The following NBAS variants were observed in gnomAD, a reference collection of about 807,000 sequenced individuals.
The protein encoded by NBAS is NBAS subunit of NRZ tethering complex.
A neutral mutation model predicts 302.5 loss-of-function variants in NBAS; 219 were observed. The observed-to-expected ratio is 0.72, with a 90% CI of 0.65 to 0.81. The LOEUF (loss-of-function observed/expected upper bound fraction) is 0.81. Among genes scored for constraint, NBAS ranks in the 30% least tolerant of loss-of-function variants. The pLI, the probability that NBAS is intolerant of heterozygous loss-of-function variation, is 0.00. For missense variants in NBAS, 2,932 were observed against 2,841.6 expected (o/e 1.03, Z -0.72); for synonymous variants, 1,118 against 1,021.6 (o/e 1.09, Z -1.80).
intron 9 of NBAS, among the ~76,000 whole-genome samples, chr2:15,525,595 G>A (rs1015836): frequency 0.53 from 80,233 of 151,904 alleles, 23,848 homozygotes; most frequent in Non-Finnish European, 0.67. Flanking sequence ...CAGTGTCAAA[G>A]GGTCATCAAG....
chr2:15,372,464 T>C (rs1997307), intron 31 of NBAS, among the ~76,000 whole-genome samples: 85,402 of 151,982 alleles, frequency 0.56, 25,809 homozygotes, highest in Non-Finnish European at 0.68. Context: ...ATGAACTACG[T>C]ACACTGACTA....
the NBAS span, among the ~76,000 whole-genome samples, chr2:15,046,087 C>A: frequency 3.3e-5 from 5 of 152,186 alleles, no homozygotes; most frequent in African/African-American, 1.2e-4. Flanking sequence ...CACTGTCTCT[C>A]CTTAGACTCC....
chr2:14,960,912 T>C, the NBAS span, among the ~76,000 whole-genome samples: 1 of 152,010 alleles, frequency 6.6e-6, no homozygotes, highest in South Asian at 2.1e-4. Context: ...GTGTTTGAGG[T>C]AGAAGGAAGT....
intron 28 of NBAS, among the ~76,000 whole-genome samples, chr2:15,388,490 T>C (rs1675423723): frequency 6.6e-6 from 1 of 152,130 alleles, no homozygotes; most frequent in Non-Finnish European, 1.5e-5. Context: ...GTATCAGGTA[T>C]TTGTGACATA....
intron 35 of NBAS, among the ~76,000 whole-genome samples, chr2:15,337,173 A>AT (rs917122130): frequency 1.1e-4 from 17 of 151,800 alleles, no homozygotes; most frequent in Non-Finnish European, 1.8e-4. Context: ...AAATTAAGTA[A>AT]TTTTTTTTGT....
intron 39 of NBAS, among the ~76,000 whole-genome samples, chr2:15,308,828 C>T (rs990029098): frequency 8.5e-5 from 13 of 152,080 alleles, no homozygotes; most frequent in East Asian, 3.9e-4. Flanking sequence ...TTTTGAGATA[C>T]GTCTCATCAA....
the NBAS span, among the ~76,000 whole-genome samples, chr2:15,094,192 C>G: frequency 6.6e-6 from 1 of 152,310 alleles, no homozygotes; most frequent in Non-Finnish European, 1.5e-5. Context: ...ACCTCCCATT[C>G]CAGTCCAGTC....
chr2:15,251,531 G>A (rs1394686805), intron 44 of NBAS, among the ~76,000 whole-genome samples: 1 of 152,160 alleles, frequency 6.6e-6, no homozygotes, highest in African/African-American at 2.4e-5. Flanking sequence ...AATAAAGAAT[G>A]TCTACTCCAT....
At chr2:15,456,952 T>C (rs1204127423) in intron 21 of NBAS, among the ~76,000 whole-genome samples, 2 of 152,074 alleles carry the variant, frequency 1.3e-5, no homozygotes, top group African/African-American at 4.8e-5. Flanking sequence ...GAAGCTTATA[T>C]GAAAAATGTG....
the NBAS span, among the ~76,000 whole-genome samples, chr2:14,823,936 T>A: frequency 6.6e-6 from 1 of 152,128 alleles, no homozygotes; most frequent in Non-Finnish European, 1.5e-5. Context: ...ACCAAACCAC[T>A]CCGAGGCACT....
At chr2:15,226,371 T>C (rs1344681728) in intron 47 of NBAS, among the ~76,000 whole-genome samples, 1 of 152,238 alleles carries the variant, frequency 6.6e-6, no homozygotes, top group Non-Finnish European at 1.5e-5. Flanking sequence ...TTTTAGAACA[T>C]TCTTAGTGTT....
chr2:15,175,033 T>C (rs1288529100), intron 51 of NBAS, among the ~76,000 whole-genome samples: 3 of 152,110 alleles, frequency 2.0e-5, no homozygotes, highest in Admixed American at 2.0e-4. Context: ...AGTGGCGCGA[T>C]CTCAGCTCAC....
the NBAS span, among the ~76,000 whole-genome samples, chr2:14,805,542 A>G: frequency 6.6e-6 from 1 of 152,186 alleles, no homozygotes; most frequent in Non-Finnish European, 1.5e-5. Flanking sequence ...TATCCCAAGA[A>G]TGGATCTTTG....
chr2:15,231,800 A>G (rs1218562468), intron 47 of NBAS, among the ~76,000 whole-genome samples: 4 of 152,166 alleles, frequency 2.6e-5, no homozygotes, highest in African/African-American at 4.8e-5. Flanking sequence ...AAGAAAGAAA[A>G]TTGGGGAGAG....
the NBAS span, among the ~76,000 whole-genome samples, chr2:14,868,871 T>C: frequency 1.3e-5 from 2 of 152,328 alleles, no homozygotes; most frequent in East Asian, 3.9e-4. Flanking sequence ...GAAAGATGGC[T>C]GAGGGGTGGT....
chr2:15,478,139 TA>T lies in NBAS; in HGVS notation c.1147+86del, dbSNP rs200823852. The T allele has an allele frequency of 2.3e-3, 2,276 of 969,866 alleles. 30 individuals are homozygous for T. In the African/African-American group the frequency reaches 0.033, roughly 14 times the overall value. 60.1% of individuals were successfully genotyped at this position (969,866 alleles called of 1,614,324 possible). A position where few individuals can be genotyped will look rare whatever the true frequency, so the allele number is the denominator to read the frequency against. On this transcript the variant is annotated intron_variant, in intron 13 of 51. Transcript: ENST00000281513. ...TCTTCCAAAGTGCAGCAAAAGTATCTAGAGACTTTTTATATCATCCAAAGAG... is the reference window on the plus strand; with the variant it reads ...TCTTCCAAAGTGCAGCAAAAGTATCTGAGACTTTTTATATCATCCAAAGAG...
At position 15,379,582 on chromosome 2, in the gene NBAS, A is replaced by G. The variant is rs1674928381; in HGVS notation, c.3590+20T>C. On this transcript the variant is annotated intron_variant, in intron 30 of 51. Coordinates refer to ENST00000281513, the MANE Select transcript of NBAS (RefSeq NM_015909.4). Reference sequence around the variant, plus strand: ...TGACTTTCCCCCTCCATCTTAGGGAAGAATATAGAGTTATTCTACCTGGCT... The same window carrying G: ...TGACTTTCCCCCTCCATCTTAGGGAGGAATATAGAGTTATTCTACCTGGCT... 3 of 1,607,006 alleles carry G rather than the reference A, an allele frequency of 1.9e-6. No individual in the cohort carries two copies.
chr2:15,394,609 T>C (rs1045899157), intron 27 of NBAS, among the ~76,000 whole-genome samples: 1 of 152,124 alleles, frequency 6.6e-6, no homozygotes, highest in Non-Finnish European at 1.5e-5. Context: ...AACCTATCTT[T>C]ATCTCAAAAA....
At chr2:15,305,156 C>T (rs1215940606) in intron 40 of NBAS, among the ~76,000 whole-genome samples, 4 of 152,122 alleles carry the variant, frequency 2.6e-5, no homozygotes, top group Non-Finnish European at 5.9e-5. Context: ...CAAATCTCAT[C>T]TTGAATTATA....
Sources: gnomAD v4.1 joint callset for allele counts (sites outside exome capture counted in the v4.1 genomes callset) on GRCh38, gnomAD v4.1.1 for gene constraint, MANE v1.5 for transcripts, NCBI Gene and HGNC (gene_info 2026-07-23, HGNC 2026-07-21) for gene names.